Variants in PARD3B observed in about 807,000 individuals in gnomAD.
The protein encoded by PARD3B is par-3 family cell polarity regulator beta, also known as partitioning defective 3 homolog B.
Under a neutral mutation model 130.2 loss-of-function variants are expected in PARD3B, and 103 were observed. The ratio of observed to expected loss-of-function variants is 0.79; its 90% confidence interval spans 0.67 to 0.93. PARD3B has a LOEUF of 0.93. Among genes scored for constraint, PARD3B ranks in the 40% least tolerant of loss-of-function variants. PARD3B has a pLI of 0.00. For synonymous variants in PARD3B, 583 were observed against 553.2 expected, an observed-to-expected ratio of 1.05 and a Z score of -0.76; for missense variants, 1,609 against 1,499.2, an observed-to-expected ratio of 1.07 and a Z score of -1.21.
chr2:205,020,602 A>T (rs1696521626), intron 3 of PARD3B, among the ~76,000 whole-genome samples: 2 of 152,176 alleles, frequency 1.3e-5, no homozygotes, highest in African/African-American at 2.4e-5. Context: ...TTAAGTTTAC[A>T]TTCAGGTAAG....
chr2:205,278,212 G>A (rs1378112725), intron 16 of PARD3B, among the ~76,000 whole-genome samples: 2 of 152,088 alleles, frequency 1.3e-5, no homozygotes, highest in African/African-American at 4.8e-5. Context: ...TATGGCAGGG[G>A]GTACAGAGAG....
chr2:205,052,440 T>TAC (rs1439721030), intron 4 of PARD3B, among the ~76,000 whole-genome samples: 1 of 35,604 alleles, frequency 2.8e-5, no homozygotes, highest in East Asian at 8.6e-4. Context: ...TATATATATA[T>TAC]ATATATATAT....
chr2:204,810,710 C>T (rs998784149), intron 2 of PARD3B, among the ~76,000 whole-genome samples: 2 of 152,006 alleles, frequency 1.3e-5, no homozygotes, highest in Non-Finnish European at 2.9e-5. Context: ...TTCAGTTTGC[C>T]AGCATTTTGC....
At chr2:205,214,567 A>G (rs2037816881) in intron 15 of PARD3B, among the ~76,000 whole-genome samples, 1 of 152,008 alleles carries the variant, frequency 6.6e-6, no homozygotes, top group Admixed American at 6.6e-5. Context: ...CAAATGGTTT[A>G]AACACTTGGT....
rs1180444435 is a variant in PARD3B at position 205,470,742 on chromosome 2, T to G, written c.3045-29154T>G. 6.6e-6 allele frequency among the ~76,000 whole-genome samples: 1 copy of G among 152,092 alleles called. No individual in the cohort carries two copies. Among genetic ancestry groups the G allele is most frequent in the African/African-American group, 2.4e-5 (1 of 41,408 alleles). On this transcript the variant is annotated intron_variant, in intron 20 of 22. Transcript: ENST00000406610. This position sits in a 1 kb window ranked among gnomAD's most constrained non-coding sequence, Gnocchi z 4.8. ...CAGATGTGGCCACTGCCCCTAGGAG[T>G]TGGATAGGATCCTCTGTGAGACAGG...
At chr2:205,326,378 T>A (rs906028396) in intron 18 of PARD3B, among the ~76,000 whole-genome samples, 2 of 152,126 alleles carry the variant, frequency 1.3e-5, no homozygotes, top group African/African-American at 4.8e-5. Context: ...ACAATTGAAT[T>A]TTTTGGTGAA....
At chr2:205,087,413 C>G (rs935662074) in intron 4 of PARD3B, among the ~76,000 whole-genome samples, 1 of 152,180 alleles carries the variant, frequency 6.6e-6, no homozygotes, top group African/African-American at 2.4e-5. Flanking sequence ...AAGTGGGTCA[C>G]AGGACTTGGC....
chr2:205,308,097 G>A (rs1206489935), intron 18 of PARD3B, among the ~76,000 whole-genome samples: 1 of 152,120 alleles, frequency 6.6e-6, no homozygotes, highest in Admixed American at 6.6e-5. Context: ...CCTTGTCTTT[G>A]CCAAGCACAT....
intron 2 of PARD3B, among the ~76,000 whole-genome samples, chr2:204,837,306 G>A (rs746978945): frequency 6.6e-6 from 1 of 151,678 alleles, no homozygotes; most frequent in Non-Finnish European, 1.5e-5. Flanking sequence ...CTAGGGACAT[G>A]TTAGAAATTA....
In PARD3B at chr2:205,615,937, C is replaced by A; in HGVS notation, c.*124C>A. 2.3e-6 allele frequency: 2 copies of A among 852,748 alleles called. No homozygotes were observed. The highest frequency in any genetic ancestry group is 3.7e-6 in the Non-Finnish European group (2 of 539,828). The allele number at this position is 852,748 out of a possible 1,614,324, so 52.8% of individuals were successfully genotyped here. On this transcript the variant is annotated 3_prime_UTR_variant, in exon 23 of 23. Transcript: ENST00000406610. The stretch of plus-strand genomic sequence containing the variant: ...CATGTTACTGATAAGCTTTTTCTCA[C>A]TGACATTGTAACGCATGACTGCTAA...
chr2:205,311,938 C>T (rs917491100), intron 18 of PARD3B, among the ~76,000 whole-genome samples: 2 of 152,082 alleles, frequency 1.3e-5, no homozygotes, highest in East Asian at 1.9e-4. Context: ...ATTCTTAATG[C>T]GTGGCTCATA....
At chr2:204,948,554 C>G (rs1335471705) in intron 2 of PARD3B, among the ~76,000 whole-genome samples, 2 of 152,166 alleles carry the variant, frequency 1.3e-5, no homozygotes, top group African/African-American at 4.8e-5. Context: ...ACATTTAAAA[C>G]ATTTTTCCCC....
rs1005901507 is a variant in PARD3B, at chr2:205,300,102, A to G, written c.2186-428A>G. ...CGATACTGGAAGAGAAGCTCTCGTC[A>G]TGTTAGGTGCTTGGTATGTTTGTGT... On this transcript the variant is annotated intron_variant, in intron 16 of 22. Coordinates refer to ENST00000406610, the MANE Select transcript of PARD3B (RefSeq NM_001302769.2). This position sits in a 1 kb window ranked among gnomAD's most constrained non-coding sequence, Gnocchi z 4.1. Among the ~76,000 whole-genome samples the G allele has an allele frequency of 6.6e-6, 1 of 152,142 alleles. No individual in the cohort carries two copies. Among genetic ancestry groups the G allele is most frequent in the Non-Finnish European group, 1.5e-5 (1 of 68,012 alleles).
At position 205,162,781 on chromosome 2, in the gene PARD3B, A is replaced by T. The variant is rs76820641; in HGVS notation, c.1620+3874A>T. Among the ~76,000 whole-genome samples, 358 of 152,298 alleles carry T rather than the reference A, an allele frequency of 2.4e-3. 1 individual carries two copies. Among genetic ancestry groups the T allele is most frequent in the African/African-American group, 8.3e-3 (344 of 41,564 alleles). On this transcript the variant is annotated intron_variant, in intron 11 of 22. Transcript: ENST00000406610. ...CTAAATCCACATCAAAATGTCCCTA[A>T]ATCCACATCAAAATTTGCGTTTTAT...
rs549910650 is a variant in PARD3B at position 205,187,577 on chromosome 2, A to T, written c.2024+1714A>T. The stretch of plus-strand genomic sequence containing the variant: ...CTAGAGAGAAGCACTCAGATGAGAA[A>T]CCTTCAAGGGAGAGAGGTGGTTCAG... On this transcript the variant is annotated intron_variant, in intron 14 of 22. Transcript: ENST00000406610. The surrounding 1 kb of genome is among the most constrained non-coding windows in gnomAD (Gnocchi z 4.9). Among the ~76,000 whole-genome samples the T allele has an allele frequency of 6.6e-6, 1 of 152,242 alleles. No individual in the cohort carries two copies. The highest frequency in any genetic ancestry group is 2.4e-5 in the African/African-American group (1 of 41,546).
chr2:205,392,286 T>C (rs2105981640), intron 18 of PARD3B, among the ~76,000 whole-genome samples: 1 of 152,276 alleles, frequency 6.6e-6, no homozygotes, highest in African/African-American at 2.4e-5. Flanking sequence ...CATCAACATA[T>C]TTGAGATCTG....
At position 204,791,161 on chromosome 2, in the gene PARD3B, G is replaced by A. The variant is rs115990881; in HGVS notation, c.222+104879G>A. Among the ~76,000 whole-genome samples the A allele has an allele frequency of 9.0e-3, 1,371 of 151,906 alleles. 11 individuals are homozygous for A. The highest frequency in any genetic ancestry group is 0.029 in the African/African-American group (1,211 of 41,460). ...CCTCTTCATGTTAGAATCAGAGCAA[G>A]CCCAAAGGCTTTCCTTTAGTCATTT... On this transcript the variant is annotated intron_variant, in intron 2 of 22. Transcript: ENST00000406610.
intron 22 of PARD3B, among the ~76,000 whole-genome samples, chr2:205,583,046 G>A (rs2054051999): frequency 6.6e-6 from 1 of 152,202 alleles, no homozygotes; most frequent in South Asian, 2.1e-4. Context: ...TTACAAAAGT[G>A]TATGGAATTG....
At chr2:205,385,850 A>C (rs2105961808) in intron 18 of PARD3B, among the ~76,000 whole-genome samples, 1 of 152,276 alleles carries the variant, frequency 6.6e-6, no homozygotes, top group South Asian at 2.1e-4. Context: ...AATACTTTGC[A>C]AATTGGGATC....
Sources: gnomAD v4.1 joint callset for allele counts (sites outside exome capture counted in the v4.1 genomes callset) on GRCh38, gnomAD v4.1.1 for gene constraint, Gnocchi (gnomAD v3.1) non-coding constraint, MANE v1.5 for transcripts, NCBI Gene and HGNC (gene_info 2026-07-23, HGNC 2026-07-21) for gene names.